The following PPFIA2 variants were observed in gnomAD, a reference collection of about 807,000 sequenced individuals.
PPFIA2 encodes the protein liprin-alpha-2.
PPFIA2 carries 46 observed loss-of-function variants against 175.5 expected under a neutral mutation model. The observed-to-expected ratio is 0.26, with a 90% CI of 0.21 to 0.34. The LOEUF (loss-of-function observed/expected upper bound fraction) is 0.34. Ranked by LOEUF, PPFIA2 falls within the 10% of genes least tolerant of loss-of-function variation. PPFIA2 has a pLI of 1.00. For missense variants in PPFIA2, 1,179 were observed against 1,506.1 expected, an observed-to-expected ratio of 0.78 and a Z score of 3.60; for synonymous variants, 568 against 511.4, an observed-to-expected ratio of 1.11 and a Z score of -1.49.
intron 3 of PPFIA2, among the ~76,000 whole-genome samples, chr12:81,700,670 G>A (rs939465282): frequency 6.6e-6 from 1 of 152,006 alleles, no homozygotes; most frequent in Non-Finnish European, 1.5e-5. Flanking sequence ...ACTGCATACA[G>A]TGTTTAGAAG....
rs35192542 is a variant in PPFIA2 at position 81,442,848 on chromosome 12, CATATATATATATATATATATATATATAT to C, written c.570+2680_570+2707del. Among the ~76,000 whole-genome samples the C allele has an allele frequency of 2.2e-3, 31 of 14,096 alleles. 1 individual carries two copies. The highest frequency in any genetic ancestry group is 9.3e-3 in the East Asian group (5 of 538). 9.2% of individuals were successfully genotyped at this position (14,096 alleles called of 152,430 possible). A position where few individuals can be genotyped will look rare whatever the true frequency, so the allele number is the denominator to read the frequency against. On this transcript the variant is annotated intron_variant, in intron 6 of 32. Transcript: ENST00000549396. ...GGTTAATTGCATCTTTTTCTGACTT[CATATATATATATATATATATATATATAT>C]ATATATATATATATATATATATAGT...
intron 23 of PPFIA2, chr12:81,298,292 G>C (rs2046991030): frequency 6.6e-6 from 1 of 152,120 alleles, no homozygotes; most frequent in Admixed American, 6.5e-5. Flanking sequence ...TGTCTGATGT[G>C]AAAGAATAAA....
At chr12:81,606,912 C>T (rs901837061) in intron 4 of PPFIA2, among the ~76,000 whole-genome samples, 1 of 151,976 alleles carries the variant, frequency 6.6e-6, no homozygotes, top group Non-Finnish European at 1.5e-5. Context: ...AATGGTATTT[C>T]TTCAGTTTTA....
chr12:81,623,135 A>G (rs924045364), intron 4 of PPFIA2, among the ~76,000 whole-genome samples: 1 of 152,118 alleles, frequency 6.6e-6, no homozygotes, highest in African/African-American at 2.4e-5. Flanking sequence ...TAATGAATCT[A>G]CAATGATATC....
intron 4 of PPFIA2, among the ~76,000 whole-genome samples, chr12:81,591,448 C>A (rs993783088): frequency 2.0e-5 from 3 of 152,144 alleles, no homozygotes; most frequent in Non-Finnish European, 4.4e-5. Context: ...GAATGTTAAT[C>A]CCCAAGACAA....
rs745528041 is a variant in PPFIA2, at chr12:81,346,898, G to T, written c.2232+635C>A. On this transcript the variant is annotated intron_variant, in intron 18 of 32. Transcript: ENST00000549396. ...GCCATCAATAAAAATGTACTTAATGGTTTAAGTCATTCAATTTTTAAAAAA... is the reference window on the plus strand; with the variant it reads ...GCCATCAATAAAAATGTACTTAATGTTTTAAGTCATTCAATTTTTAAAAAA... Among the ~76,000 whole-genome samples the T allele has an allele frequency of 2.3e-4, 35 of 151,338 alleles. 1 individual carries two copies. The highest frequency in any genetic ancestry group is 8.4e-4 in the South Asian group (4 of 4,740).
At chr12:81,590,684 T>C (rs182739210) in intron 4 of PPFIA2, among the ~76,000 whole-genome samples, 5 of 152,146 alleles carry the variant, frequency 3.3e-5, no homozygotes, top group East Asian at 1.9e-4. Context: ...CGAGATCTGA[T>C]GGTTTTAAAA....
At chr12:81,739,206 T>G (rs1198675382) in intron 3 of PPFIA2, among the ~76,000 whole-genome samples, 1 of 152,042 alleles carries the variant, frequency 6.6e-6, no homozygotes, top group East Asian at 1.9e-4. Context: ...TGAAGTTACA[T>G]TTTTAAAAAA....
At chr12:81,420,371 A>G (rs189225434) in intron 7 of PPFIA2, among the ~76,000 whole-genome samples, 3 of 152,302 alleles carry the variant, frequency 2.0e-5, no homozygotes, top group African/African-American at 7.2e-5. Context: ...GGAATTCAAA[A>G]TAATTATTTT....
intron 4 of PPFIA2, among the ~76,000 whole-genome samples, chr12:81,500,475 G>A (rs563104078): frequency 4.6e-4 from 70 of 152,326 alleles, no homozygotes; most frequent in African/African-American, 1.7e-3. Context: ...TTAATTTGGA[G>A]AGTTTCCAGA....
intron 4 of PPFIA2, among the ~76,000 whole-genome samples, chr12:81,617,791 C>T (rs1349230194): frequency 6.6e-6 from 1 of 152,298 alleles, no homozygotes; most frequent in East Asian, 1.9e-4. Context: ...AAGTTGCACA[C>T]TATTCTAGGC....
chr12:81,276,893 A>C (rs182702911), intron 28 of PPFIA2, among the ~76,000 whole-genome samples: 1 of 148,146 alleles, frequency 6.8e-6, no homozygotes, highest in East Asian at 1.9e-4. Context: ...CAGTGTTACA[A>C]AAATAAAATT....
chr12:81,666,599 C>T (rs964095777), intron 4 of PPFIA2, among the ~76,000 whole-genome samples: 24 of 151,746 alleles, frequency 1.6e-4, no homozygotes, highest in South Asian at 2.1e-4. Flanking sequence ...CATCACACAC[C>T]GGGGCCTGTT....
chr12:81,633,728 A>G (rs967041393), intron 4 of PPFIA2, among the ~76,000 whole-genome samples: 3 of 152,186 alleles, frequency 2.0e-5, no homozygotes, highest in Non-Finnish European at 4.4e-5. Context: ...TTAAGTAGAT[A>G]ATGAGATTAA....
intron 2 of PPFIA2, among the ~76,000 whole-genome samples, chr12:81,755,366 G>A (rs1298720128): frequency 1.3e-5 from 2 of 152,104 alleles, no homozygotes; most frequent in African/African-American, 2.4e-5. Context: ...TTAATTAGAT[G>A]GCTTGGTTTT....
At chr12:81,300,696 A>T (rs2047611907) in intron 22 of PPFIA2, among the ~76,000 whole-genome samples, 1 of 152,168 alleles carries the variant, frequency 6.6e-6, no homozygotes. Flanking sequence ...AAAAAAGTAG[A>T]GGCACTTCTT....
chr12:81,542,224 T>C (rs1013337921), intron 4 of PPFIA2, among the ~76,000 whole-genome samples: 1 of 151,988 alleles, frequency 6.6e-6, no homozygotes, highest in African/African-American at 2.4e-5. Context: ...AATGAGACCA[T>C]GCAAGCTGAG....
At chr12:81,335,869 G>T (rs928718957) in intron 21 of PPFIA2, among the ~76,000 whole-genome samples, 1 of 152,090 alleles carries the variant, frequency 6.6e-6, no homozygotes, top group Admixed American at 6.6e-5. Context: ...TCTGTTAGGT[G>T]GGTTTCCCTA....
chr12:81,274,673 T>C (rs2040041845), intron 28 of PPFIA2, among the ~76,000 whole-genome samples: 1 of 152,206 alleles, frequency 6.6e-6, no homozygotes, highest in South Asian at 2.1e-4. Flanking sequence ...TAAATGTTAG[T>C]AGGTTCTTGA....
Sources: gnomAD v4.1 joint callset for allele counts (sites outside exome capture counted in the v4.1 genomes callset) on GRCh38, gnomAD v4.1.1 for gene constraint, MANE v1.5 for transcripts, NCBI Gene and HGNC (gene_info 2026-07-23, HGNC 2026-07-21) for gene names.